The following SYT14 variants were observed in gnomAD, a reference collection of about 807,000 sequenced individuals.
SYT14 encodes synaptotagmin 14, also known as synaptotagmin-14.
SYT14 carries 32 observed loss-of-function variants against 74.2 expected under a neutral mutation model. The ratio of observed to expected loss-of-function variants is 0.43; its 90% CI spans 0.33 to 0.58. The LOEUF is 0.58. Ranked by LOEUF, SYT14 falls within the 20% of genes least tolerant of loss-of-function variation. The pLI is 0.05. For synonymous variants in SYT14, 298 were observed against 337.7 expected (o/e 0.88, Z 1.29); for missense variants, 791 against 981.8 (o/e 0.81, Z 2.60).
chr1:210,030,132 T>A (rs1039204059), intron 5 of SYT14, among the ~76,000 whole-genome samples: 2 of 151,492 alleles, frequency 1.3e-5, no homozygotes, highest in African/African-American at 4.8e-5. Flanking sequence ...TTTATTAGTT[T>A]TTTTTGTTTT....
chr1:210,012,429 G>A (rs1485279721), intron 2 of SYT14, among the ~76,000 whole-genome samples: 7 of 152,194 alleles, frequency 4.6e-5, no homozygotes, highest in African/African-American at 1.7e-4. Flanking sequence ...ATACAGTAGA[G>A]AGGAGTTGGT....
exon 10 of SYT14, chr1:210,169,058 AT>A (rs2083488744): frequency 6.6e-6 from 1 of 152,050 alleles, no homozygotes; most frequent in Admixed American, 6.6e-5. Context: ...TAGCTTGCAC[AT>A]TCTTTTTATT....
chr1:210,046,580 G>A (rs950576187), intron 5 of SYT14, among the ~76,000 whole-genome samples: 14 of 151,920 alleles, frequency 9.2e-5, no homozygotes, highest in African/African-American at 2.7e-4. Context: ...ATATAAATTC[G>A]CCTATTTTGG....
At chr1:210,163,213 T>C (rs1167669926) in exon 10 of SYT14, 4 of 451,090 alleles carry the variant, frequency 8.9e-6, no homozygotes, top group African/African-American at 8.3e-5. Context: ...CTTGGTGCTT[T>C]CACTCTTAGT....
At chr1:209,998,335 T>C (rs1395435179) in intron 2 of SYT14, among the ~76,000 whole-genome samples, 1 of 152,082 alleles carries the variant, frequency 6.6e-6, no homozygotes, top group East Asian at 1.9e-4. Context: ...CCCGTGCTCA[T>C]GGATTGGAAG....
chr1:210,162,085 T>C (rs2083384666), exon 10 of SYT14: 1 of 438,236 alleles, frequency 2.3e-6, no homozygotes, highest in South Asian at 1.6e-5. Flanking sequence ...CTTCAATTTA[T>C]ATTTGTGATA....
chr1:210,161,760 G>A (rs2102731060), exon 10 of SYT14: 1 of 453,838 alleles, frequency 2.2e-6, no homozygotes, highest in South Asian at 1.6e-5. Context: ...CTGGTCCCTT[G>A]CAAGTCTTCT....
chr1:210,002,989 T>C (rs2079929135), intron 2 of SYT14, among the ~76,000 whole-genome samples: 3 of 152,188 alleles, frequency 2.0e-5, no homozygotes, highest in Admixed American at 2.0e-4. Context: ...GCTTTTTATG[T>C]CTTGTTTAGT....
At chr1:210,139,660 C>A (rs2082875471) in intron 7 of SYT14, among the ~76,000 whole-genome samples, 1 of 152,172 alleles carries the variant, frequency 6.6e-6, no homozygotes, top group South Asian at 2.1e-4. Flanking sequence ...CACCTCCTGG[C>A]AACCACTAAC....
chr1:210,083,765 C>T (rs1056329774), intron 5 of SYT14, among the ~76,000 whole-genome samples: 22 of 151,908 alleles, frequency 1.4e-4, no homozygotes, highest in Non-Finnish European at 2.6e-4. Flanking sequence ...GATGAACTTT[C>T]GCCACATTGC....
At chr1:210,078,107 G>A (rs1380395704) in intron 5 of SYT14, among the ~76,000 whole-genome samples, 2 of 151,884 alleles carry the variant, frequency 1.3e-5, no homozygotes, top group Non-Finnish European at 2.9e-5. Flanking sequence ...TCAAGAGATC[G>A]AGACCATCCT....
At chr1:209,964,045 T>G (rs537826730) in intron 2 of SYT14, among the ~76,000 whole-genome samples, 1 of 152,296 alleles carries the variant, frequency 6.6e-6, no homozygotes, top group East Asian at 1.9e-4. Flanking sequence ...TGGCTCTGTG[T>G]CCCCACCTGA....
chr1:210,125,355 C>T (rs1003721123), intron 7 of SYT14, among the ~76,000 whole-genome samples: 1 of 152,124 alleles, frequency 6.6e-6, no homozygotes, highest in East Asian at 1.9e-4. Flanking sequence ...TAATGGCCTC[C>T]AGCTGCATTG....
chr1:210,015,908 C>T, exon 4 of SYT14: 1 of 1,228,580 alleles, frequency 8.1e-7, no homozygotes. Flanking sequence ...CGAATAGCAA[C>T]ATTTAAGTAA....
chr1:209,979,304 G>T (rs1051888595), intron 2 of SYT14, among the ~76,000 whole-genome samples: 6 of 152,080 alleles, frequency 3.9e-5, no homozygotes, highest in African/African-American at 1.4e-4. Flanking sequence ...GCTCACACTG[G>T]GAGCTCTAGA....
rs200714208 is a variant in SYT14, at chr1:210,067,595, ATATAT to A, written c.1313-26726_1313-26722del. ...TATATAGATTTGAAGACCTCTCTCTATATATCACCATATTCTAGAATTTGGTATTT... is the reference window on the plus strand; with the variant it reads ...TATATAGATTTGAAGACCTCTCTCTACACCATATTCTAGAATTTGGTATTT... On this transcript the variant is annotated intron_variant, in intron 5 of 9. Coordinates refer to ENST00000637265, the Ensembl canonical transcript of SYT14. Among the ~76,000 whole-genome samples, 1,197 of 152,036 alleles carry A rather than the reference ATATAT, an allele frequency of 7.9e-3. 21 individuals carry two copies. The highest frequency in any genetic ancestry group is 0.028 in the African/African-American group (1,143 of 41,520).
intron 2 of SYT14, among the ~76,000 whole-genome samples, chr1:209,981,450 CTTTTTTT>C (rs1183885685): frequency 5.0e-5 from 5 of 99,050 alleles, no homozygotes; most frequent in African/African-American, 2.0e-4. Context: ...TTTTTCTTTT[CTTTTTTT>C]TTTTTTTTTT....
At chr1:209,999,374 A>G (rs1159057614) in intron 2 of SYT14, among the ~76,000 whole-genome samples, 1 of 152,130 alleles carries the variant, frequency 6.6e-6, no homozygotes, top group Non-Finnish European at 1.5e-5. Flanking sequence ...AAATAGAACT[A>G]CCATACAATC....
chr1:210,137,472 A>G (rs1446043346), intron 7 of SYT14, among the ~76,000 whole-genome samples: 1 of 152,168 alleles, frequency 6.6e-6, no homozygotes, highest in Admixed American at 6.5e-5. Flanking sequence ...TAGTAAAAAG[A>G]CCATTCGAAT....
Sources: gnomAD v4.1 joint callset for allele counts (sites outside exome capture counted in the v4.1 genomes callset) on GRCh38, gnomAD v4.1.1 for gene constraint, MANE v1.5 for transcripts, NCBI Gene and HGNC (gene_info 2026-07-23, HGNC 2026-07-21) for gene names.